ANGPT4: variants seen among roughly 807,000 people sequenced by gnomAD.
ANGPT4 encodes the protein angiopoietin-4.
A neutral mutation model predicts 53.0 loss-of-function variants in ANGPT4; 50 were observed. The ratio of observed to expected loss-of-function variants is 0.94; its 90% CI spans 0.75 to 1.20. The LOEUF (loss-of-function observed/expected upper bound fraction) is 1.20, where lower values mean the gene tolerates loss of function less well. Among genes scored for constraint, ANGPT4 ranks in the 50% most tolerant of loss-of-function variants. The probability of loss-of-function intolerance (pLI) is 0.00; values close to 1 mark genes in which losing one functional copy is unlikely to be tolerated. For missense variants in ANGPT4, 648 were observed against 637.1 expected (o/e 1.02, Z -0.18); for synonymous variants, 251 against 259.7 (o/e 0.97, Z 0.32).
At chr20:897,051 C>A (rs1204753245) in intron 1 of ANGPT4, among the ~76,000 whole-genome samples, 1 of 152,142 alleles carries the variant, frequency 6.6e-6, no homozygotes. Flanking sequence ...ACCTTGTGAC[C>A]CCTGCCCCTG....
chr20:896,958 G>T (rs1982078000), intron 1 of ANGPT4, among the ~76,000 whole-genome samples: 1 of 152,132 alleles, frequency 6.6e-6, no homozygotes, highest in African/African-American at 2.4e-5. Flanking sequence ...AAGTGAAAAT[G>T]GCTGGTTCCT....
In ANGPT4 at chr20:902,623, A is replaced by G. The variant is rs554752045; in HGVS notation, c.310-12255T>C. On this transcript the variant is annotated intron_variant, in intron 1 of 8. Transcript: ENST00000381922. ...CAGAAATAATATAGGACTATATCAGAAACCTGTTTTCTGTTATGTTGACAT... is the reference window on the plus strand; with the variant it reads ...CAGAAATAATATAGGACTATATCAGGAACCTGTTTTCTGTTATGTTGACAT... Among the ~76,000 whole-genome samples the G allele has an allele frequency of 3.9e-4, 60 of 152,334 alleles. 1 individual carries two copies. Among genetic ancestry groups the G allele is most frequent in the Non-Finnish European group, 7.2e-4 (49 of 68,038 alleles).
Position 879,794 on chromosome 20 carries a change from C to T in ANGPT4, c.1006G>A (p.Glu336Lys), listed in dbSNP as rs1270558033. 3.1e-6 allele frequency: 5 copies of T among 1,613,690 alleles called. No individual in the cohort carries two copies. Among genetic ancestry groups the T allele is most frequent in the African/African-American group, 2.7e-5 (2 of 74,908 alleles). Residue 336 changes from glutamate (E) to lysine (K), a missense_variant, in exon 6 of 9, where the codon GAG becomes AAG. Physicochemically the swap from Glu to Lys is moderately conservative, Grantham distance 56 (BLOSUM62 1). Coordinates refer to ENST00000381922, the MANE Select transcript of ANGPT4 (RefSeq NM_015985.4). Reference sequence around the variant, plus strand: ...CGCTGAAAATTCACGGTGCCATTCTCACGGCGCTGGATGAGGGTCCACCTG... The same window carrying T: ...CGCTGAAAATTCACGGTGCCATTCTTACGGCGCTGGATGAGGGTCCACCTG... ...GGRWTLIQRR[E>K]NGTVNFQRNW...
At chr20:890,137 A>AGG (rs2122805378) in intron 2 of ANGPT4, 76 bp downstream of exon 2, 1 of 1,541,850 alleles carries the variant, frequency 6.5e-7, no homozygotes, top group South Asian at 1.2e-5. Context: ...TCAGAGATCA[A>AGG]GGTAAGATGA....
Position 885,239 on chromosome 20 carries a change from T to A in ANGPT4, c.674A>T (p.Asn225Ile). 6.3e-7 allele frequency: 1 copy of A among 1,583,982 alleles called. No homozygotes were observed. Among genetic ancestry groups the A allele is most frequent in the Non-Finnish European group, 8.6e-7 (1 of 1,164,888 alleles). The change falls in exon 4 of 9, where the codon AAC (asparagine) becomes ATC (isoleucine). Residue 225 changes from asparagine (N) to isoleucine (I), a missense_variant. Transcript: ENST00000381922. ...SILSKKAKLL[N>I]TLSRQSAALT... ...GGCGGCGCTCTGGCGGCTCAGCGTGTTCAGCAGCTTCGCCTTCTTGCTGAG... is the reference window on the plus strand; with the variant it reads ...GGCGGCGCTCTGGCGGCTCAGCGTGATCAGCAGCTTCGCCTTCTTGCTGAG...
At chr20:906,114 T>A (rs1202966328) in intron 1 of ANGPT4, among the ~76,000 whole-genome samples, 8 of 152,228 alleles carry the variant, frequency 5.3e-5, no homozygotes, top group Non-Finnish European at 1.2e-4. Flanking sequence ...CAGGACTGGC[T>A]GGCATGACTA....
At chr20:879,971 C>A (rs752216768) in intron 5 of ANGPT4, 123 bp from the exon 6 acceptor site, 10 of 533,778 alleles carry the variant, frequency 1.9e-5, no homozygotes, top group Non-Finnish European at 2.5e-5. Flanking sequence ...CCTGGGGGTC[C>A]TGGGCATCAG....
intron 1 of ANGPT4, among the ~76,000 whole-genome samples, chr20:910,778 G>C (rs1036418797): frequency 3.3e-5 from 5 of 152,110 alleles, no homozygotes; most frequent in African/African-American, 9.7e-5. Flanking sequence ...CGTCCTTTTG[G>C]GGGAAGTCGT....
chr20:890,513 C>T (rs1310368451), intron 1 of ANGPT4, 145 bp from the exon 2 acceptor site: 4 of 704,154 alleles, frequency 5.7e-6, no homozygotes, highest in Admixed American at 2.9e-5. Flanking sequence ...GCCACCATTA[C>T]GTCTTGCCTG....
chr20:871,076 C>T lies in ANGPT4; in HGVS notation c.*1884G>A, dbSNP rs1459315867. 1.3e-5 allele frequency: 2 copies of T among 152,284 alleles called. No individual in the cohort carries two copies. Among genetic ancestry groups the T allele is most frequent in the Admixed American group, 1.3e-4 (2 of 15,284 alleles). The allele number at this position is 152,284 out of a possible 1,614,324, so 9.4% of individuals were successfully genotyped here. A position where few individuals can be genotyped will look rare whatever the true frequency, so the allele number is the denominator to read the frequency against. ...AAGCCCTGCCCACCACACCACACTG[C>T]ACACAGTAGAGGCTAAATAAAGGTC... is the stretch of plus-strand genomic sequence containing the variant. On this transcript the variant is annotated 3_prime_UTR_variant, in exon 9 of 9. Coordinates refer to ENST00000381922, the MANE Select transcript of ANGPT4 (RefSeq NM_015985.4).
At position 878,163 on chromosome 20, in the gene ANGPT4, GTATA is replaced by G; in HGVS notation, c.1214_1217del (p.Leu405ProfsTer42). The G allele has an allele frequency of 6.3e-7, 1 of 1,595,438 alleles. No individual in the cohort carries two copies. Among genetic ancestry groups the G allele is most frequent in the African/African-American group, 1.3e-5 (1 of 74,754 alleles). On this transcript the variant is annotated frameshift_variant, in exon 7 of 9. Transcript: ENST00000381922. LOFTEE classifies it high-confidence loss of function. The stretch of plus-strand genomic sequence containing the variant: ...AACGGCCTGGGCCCCGAACCCACCT[GTATA>G]GCTGGTTCTCACTGCCCAGGTGGAA...
At chr20:879,150 A>C (rs1175718179) in intron 6 of ANGPT4, among the ~76,000 whole-genome samples, 1 of 152,240 alleles carries the variant, frequency 6.6e-6, no homozygotes. Context: ...TTAAATGAAC[A>C]GCAAGCAGAC....
At chr20:882,282 T>C (rs1981438988) in intron 4 of ANGPT4, among the ~76,000 whole-genome samples, 1 of 152,170 alleles carries the variant, frequency 6.6e-6, no homozygotes, top group African/African-American at 2.4e-5. Flanking sequence ...CTCCTCTGTC[T>C]CAATTAGTGG....
At chr20:888,755 A>C (rs970947178) in intron 2 of ANGPT4, among the ~76,000 whole-genome samples, 1 of 151,560 alleles carries the variant, frequency 6.6e-6, no homozygotes, top group African/African-American at 2.4e-5. Flanking sequence ...GCCCCTGACC[A>C]CCTCTCTCCT....
At chr20:892,412 A>G (rs1882259971) in intron 1 of ANGPT4, among the ~76,000 whole-genome samples, 1 of 152,116 alleles carries the variant, frequency 6.6e-6, no homozygotes, top group South Asian at 2.1e-4. Flanking sequence ...CCTGGGCAAC[A>G]TGGTGAAACT....
intron 1 of ANGPT4, among the ~76,000 whole-genome samples, chr20:907,888 T>G (rs990832660): frequency 6.6e-6 from 1 of 152,156 alleles, no homozygotes; most frequent in African/African-American, 2.4e-5. Flanking sequence ...ACGACTCCAG[T>G]GTGTACCTCT....
In ANGPT4 at chr20:885,305, T is replaced by G; in HGVS notation, c.608A>C (p.Gln203Pro). The change falls in exon 4 of 9, where the codon CAG becomes CCG. Residue 203 changes from glutamine to proline, a missense_variant. Coordinates refer to ENST00000381922, the MANE Select transcript of ANGPT4 (RefSeq NM_015985.4). ...CTCCTGCTGCTTGGTCTCCAGGGCC[T>G]GCAACCGCTTCTCGAGCGCGCTGCG... ...GQNSALEKRLQALETKQQEEL... is the reference protein window; with the variant it reads ...GQNSALEKRLPALETKQQEEL... 2 of 1,583,752 alleles carry G rather than the reference T, an allele frequency of 1.3e-6. No individual in the cohort carries two copies. Among genetic ancestry groups the G allele is most frequent in the Non-Finnish European group, 1.7e-6 (2 of 1,168,912 alleles).
chr20:883,581 G>A (rs1158736583), intron 4 of ANGPT4, among the ~76,000 whole-genome samples: 1 of 152,234 alleles, frequency 6.6e-6, no homozygotes, highest in Non-Finnish European at 1.5e-5. Context: ...TCTCCATCCA[G>A]AAGGGGGTGA....
intron 1 of ANGPT4, among the ~76,000 whole-genome samples, chr20:895,133 G>A (rs368347556): frequency 2.6e-5 from 4 of 152,310 alleles, no homozygotes; most frequent in East Asian, 1.9e-4. Context: ...CCAGCTGGAA[G>A]GGCAGGGAAT....
Sources: allele counts gnomAD v4.1 joint callset (sites outside exome capture counted in the v4.1 genomes callset), GRCh38; gene constraint gnomAD v4.1.1; transcripts MANE v1.5; gene names NCBI Gene and HGNC (gene_info 2026-07-23, HGNC 2026-07-21).